Variants in CENPL observed in about 807,000 individuals in gnomAD.
CENPL encodes interphase centromere complex protein 33.
In CENPL, 20 loss-of-function variants were observed where a neutral mutation model predicts 35.2. The observed-to-expected ratio is 0.57, with a 90% CI of 0.40 to 0.83. The LOEUF (loss-of-function observed/expected upper bound fraction) is 0.83. Among genes scored for constraint, CENPL ranks in the 40% least tolerant of loss-of-function variants. The pLI, the probability that CENPL is intolerant of heterozygous loss-of-function variation, is 0.00. For missense variants in CENPL, 363 were observed against 395.8 expected, an observed-to-expected ratio of 0.92 and a Z score of 0.70; for synonymous variants, 140 against 140.6, an observed-to-expected ratio of 1.00 and a Z score of 0.03.
At chr1:173,802,844 C>T (rs1649874587) in intron 5 of CENPL, 119 bp downstream of exon 5, 2 of 677,542 alleles carry the variant, frequency 3.0e-6, no homozygotes, top group Non-Finnish European at 5.0e-6. Flanking sequence ...AATAAAAGCT[C>T]TCTATTGTCT....
intron 4 of CENPL, among the ~76,000 whole-genome samples, chr1:173,805,896 T>C (rs952283872): frequency 1.3e-5 from 2 of 152,236 alleles, no homozygotes; most frequent in Non-Finnish European, 2.9e-5. Context: ...CACTGTTATT[T>C]AGGCTAACCC....
chr1:173,819,862 TTTG>T (rs1435683924), intron 2 of CENPL, among the ~76,000 whole-genome samples: 3 of 92,584 alleles, frequency 3.2e-5, no homozygotes, highest in Non-Finnish European at 8.6e-5. Context: ...TGGCTAATTT[TTTG>T]TTTGTTTTTT....
chr1:173,809,211 C>A (rs1441157530), intron 3 of CENPL, among the ~76,000 whole-genome samples: 1 of 152,000 alleles, frequency 6.6e-6, no homozygotes. Context: ...GGCGTGGTGG[C>A]GGGCACCTGT....
At chr1:173,812,018 C>T (rs576272631) in intron 2 of CENPL, among the ~76,000 whole-genome samples, 1 of 152,388 alleles carries the variant, frequency 6.6e-6, no homozygotes, top group South Asian at 2.1e-4. Context: ...GATTCTCTCC[C>T]GTGCCTGGCT....
Position 173,803,148 on chromosome 1 carries a change from C to A in CENPL, c.778G>T (p.Asp260Tyr). The A allele has an allele frequency of 1.2e-6, 2 of 1,614,052 alleles. No individual in the cohort carries two copies. Among genetic ancestry groups the A allele is most frequent in the Non-Finnish European group, 1.7e-6 (2 of 1,179,914 alleles). The change falls in exon 5 of 6, where the codon GAT (aspartate) becomes TAT (tyrosine). Residue 260 changes from aspartate (D) to tyrosine (Y), a missense_variant. Coordinates refer to ENST00000682279, the MANE Select transcript of CENPL (RefSeq NM_001387287.1). ...LDISFAIHPE[D>Y]AKALWDSVHK... is the part of the protein sequence containing the mutation. ...ACACTGTCCCATAGAGCTTTTGCAT[C>A]CTCTGGATGTATTGCGAAAGAAATG...
At chr1:173,803,614 CA>C (rs540136294) in intron 4 of CENPL, 109 bp from the exon 5 acceptor site, 257 of 856,886 alleles carry the variant, frequency 3.0e-4, no homozygotes, top group South Asian at 4.2e-4. Context: ...GTAATACTTG[CA>C]AAAAAAAACA....
In CENPL at chr1:173,803,345, G is replaced by T; in HGVS notation, c.581C>A (p.Ala194Glu). ...TTTCTGAAACCAAGTTCCAATTATTGCTGTGTTAGACTCTGCTCCATTTGC... is the reference window on the plus strand; with the variant it reads ...TTTCTGAAACCAAGTTCCAATTATTTCTGTGTTAGACTCTGCTCCATTTGC... ...FLANGAESNT[A>E]IIGTWFQKTF... The change falls in exon 5 of 6, where the codon GCA (alanine) becomes GAA (glutamate). Residue 194 changes from alanine (A) to glutamate (E), a missense_variant. Coordinates refer to ENST00000682279, the MANE Select transcript of CENPL (RefSeq NM_001387287.1). 6.2e-7 allele frequency: 1 copy of T among 1,613,974 alleles called. No homozygotes were observed. Among genetic ancestry groups the T allele is most frequent in the Non-Finnish European group, 8.5e-7 (1 of 1,179,872 alleles).
chr1:173,812,926 A>C (rs1650983433), intron 2 of CENPL, among the ~76,000 whole-genome samples: 1 of 152,174 alleles, frequency 6.6e-6, no homozygotes, highest in Admixed American at 6.5e-5. Flanking sequence ...AAAAATCTTG[A>C]AAAAAGGTTA....
At chr1:173,802,683 A>T (rs762800072) in intron 5 of CENPL, among the ~76,000 whole-genome samples, 7 of 152,226 alleles carry the variant, frequency 4.6e-5, no homozygotes, top group African/African-American at 1.4e-4. Flanking sequence ...TTATTTCAAA[A>T]TTTCACAAGG....
chr1:173,810,526 GT>G (rs1019639086), intron 3 of CENPL, among the ~76,000 whole-genome samples: 1 of 150,984 alleles, frequency 6.6e-6, no homozygotes, highest in African/African-American at 2.4e-5. Context: ...TAAAATAAAA[GT>G]TAAAAAAAAA....
chr1:173,805,785 G>T (rs1650171416), intron 4 of CENPL, among the ~76,000 whole-genome samples: 1 of 152,072 alleles, frequency 6.6e-6, no homozygotes, highest in Non-Finnish European at 1.5e-5. Context: ...AAAGAGCCTA[G>T]ATTATTAATG....
At chr1:173,811,382 A>T in intron 2 of CENPL, 76 bp from the exon 3 acceptor site, 1 of 963,036 alleles carries the variant, frequency 1.0e-6, no homozygotes, top group Non-Finnish European at 1.5e-6. Flanking sequence ...CTGATTCCTC[A>T]CTCTAAAGGA....
chr1:173,814,335 A>G (rs1365722983), intron 2 of CENPL, among the ~76,000 whole-genome samples: 2 of 152,172 alleles, frequency 1.3e-5, no homozygotes, highest in East Asian at 3.9e-4. Context: ...AAGTGGACCT[A>G]ATAGACATCT....
At chr1:173,819,589 TCAA>T (rs143483806) in intron 2 of CENPL, among the ~76,000 whole-genome samples, 3,733 of 152,200 alleles carry the variant, frequency 0.025, 163 homozygotes, top group African/African-American at 0.086. Context: ...AGACTCCATC[TCAA>T]CAACAACAAC....
At chr1:173,823,342 C>T (rs372595735) in intron 2 of CENPL, 1 of 151,196 alleles carries the variant, frequency 6.6e-6, no homozygotes, top group Non-Finnish European at 1.5e-5. Context: ...GATCCATCGA[C>T]ATTAGCCTTT....
intron 4 of CENPL, among the ~76,000 whole-genome samples, chr1:173,804,032 C>A (rs1407978743): frequency 1.3e-5 from 2 of 152,024 alleles, no homozygotes; most frequent in Non-Finnish European, 2.9e-5. Context: ...AACCAAACTG[C>A]AAAATAAGAG....
Position 173,803,335 on chromosome 1 carries a change from T to C in CENPL, c.591A>G (p.Gly197=). The part of the protein sequence containing the change: ...NGAESNTAII[G]TWFQKTFDCY... The stretch of plus-strand genomic sequence containing the variant: ...AGTCAAAGGTTTTCTGAAACCAAGT[T>C]CCAATTATTGCTGTGTTAGACTCTG... The change falls in exon 5 of 6, where the codon GGA becomes GGG. Residue 197 remains glycine (G), a synonymous_variant. Coordinates refer to ENST00000682279, the MANE Select transcript of CENPL (RefSeq NM_001387287.1). The C allele has an allele frequency of 6.2e-7, 1 of 1,614,074 alleles. No homozygotes were observed. The highest frequency in any genetic ancestry group is 8.5e-7 in the Non-Finnish European group (1 of 1,179,948).
intron 5 of CENPL, among the ~76,000 whole-genome samples, chr1:173,801,503 G>C (rs1273740788): frequency 6.9e-6 from 1 of 144,656 alleles, no homozygotes; most frequent in East Asian, 2.1e-4. Flanking sequence ...AACAAAACAA[G>C]ACTCCATCTC....
chr1:173,816,527 C>A (rs2102602981), intron 2 of CENPL, among the ~76,000 whole-genome samples: 1 of 152,252 alleles, frequency 6.6e-6, no homozygotes, highest in Non-Finnish European at 1.5e-5. Context: ...AGAAATAACA[C>A]CACACATCTA....
Sources: allele counts gnomAD v4.1 joint callset (sites outside exome capture counted in the v4.1 genomes callset), GRCh38; gene constraint gnomAD v4.1.1; transcripts MANE v1.5; gene names NCBI Gene and HGNC (gene_info 2026-07-23, HGNC 2026-07-21).